Variants in TPR observed in about 807,000 individuals in gnomAD.
TPR encodes the protein translocated promoter region, nuclear basket protein, also known as nucleoprotein TPR.
In TPR, 51 loss-of-function variants were observed where a neutral mutation model predicts 316.1. The ratio of observed to expected loss-of-function variants is 0.16; its 90% CI spans 0.13 to 0.20. The LOEUF (loss-of-function observed/expected upper bound fraction) is 0.20. Among genes scored for constraint, TPR ranks in the 10% least tolerant of loss-of-function variants. The probability of loss-of-function intolerance (pLI) is 1.00; values close to 1 mark genes in which losing one functional copy is unlikely to be tolerated. For missense variants in TPR, 2,272 were observed against 2,754.8 expected, an observed-to-expected ratio of 0.82 and a Z score of 3.92; for synonymous variants, 981 against 914.7, an observed-to-expected ratio of 1.07 and a Z score of -1.31.
At position 186,367,970 on chromosome 1, in the gene TPR, T is replaced by A; in HGVS notation, c.343A>T (p.Arg115Ter). 6.2e-7 allele frequency: 1 copy of A among 1,609,694 alleles called. No homozygotes were observed. Residue 115 changes from arginine (R) to a stop codon, truncating the protein, a stop_gained, in exon 4 of 51, where the codon AGA becomes TGA. Coordinates refer to ENST00000367478, the MANE Select transcript of TPR (RefSeq NM_003292.3). LOFTEE classifies it high-confidence loss of function. ...TCAGCTTCTAATTCTTCCTTTGTTC[T>A]TGTAAATTGGCTCTGTCATATAAAG... The part of the protein sequence containing the change: ...RNIAIQSQFT[R>*]TKEELEAEKR...
At chr1:186,360,945 G>C in intron 9 of TPR, 40 bp from the exon 10 acceptor site, 3 of 1,586,944 alleles carry the variant, frequency 1.9e-6, no homozygotes, top group Non-Finnish European at 2.6e-6. Context: ...CAAACATACA[G>C]TTAAAATTTT....
At chr1:186,316,885 T>TA (rs1222048418) in intron 49 of TPR, among the ~76,000 whole-genome samples, 2 of 152,354 alleles carry the variant, frequency 1.3e-5, no homozygotes, top group African/African-American at 4.8e-5. Context: ...ACTGTTATTC[T>TA]AAAAAATAAC....
At position 186,318,796 on chromosome 1, in the gene TPR, C is replaced by G. The variant is rs1238145226; in HGVS notation, c.6601G>C (p.Ala2201Pro). 6.2e-7 allele frequency: 1 copy of G among 1,613,910 alleles called. No homozygotes were observed. The highest frequency in any genetic ancestry group is 8.5e-7 in the Non-Finnish European group (1 of 1,180,032). ...CGGCCACCTGACTCTTCTTCATGAG[C>G]TAGGAACAGGGGTGTTTCATACATT... ...LGMYETPLFL[A>P]HEEESGGRSV... The change falls in exon 47 of 51, where the codon GCT (alanine) becomes CCT (proline). Residue 2201 changes from alanine to proline, a missense_variant. Transcript: ENST00000367478.
intron 22 of TPR, 137 bp from the exon 23 acceptor site, chr1:186,346,424 G>A (rs1658678089): frequency 5.5e-6 from 5 of 910,808 alleles, no homozygotes; most frequent in South Asian, 2.7e-5. Flanking sequence ...ATCCATCAAA[G>A]GTGATTAGAA....
Position 186,375,036 on chromosome 1 carries a change from G to C in TPR, c.-8C>G. The C allele has an allele frequency of 6.2e-7, 1 of 1,613,950 alleles. No homozygotes were observed. On this transcript the variant is annotated 5_prime_UTR_variant, in exon 1 of 51. Transcript: ENST00000367478. ...CTGCAACACCGCCGCCATGTCGGTG[G>C]GGCCAGGGACCCCAGTGGCAGCGGC...
chr1:186,353,189 A>C (rs867516565), intron 18 of TPR, among the ~76,000 whole-genome samples: 1 of 152,020 alleles, frequency 6.6e-6, no homozygotes, highest in East Asian at 1.9e-4. Flanking sequence ...TGGCTAACAC[A>C]GTGAAACCCC....
chr1:186,342,417 C>T (rs531092158), intron 27 of TPR: 2 of 152,258 alleles, frequency 1.3e-5, no homozygotes, highest in South Asian at 2.1e-4. Flanking sequence ...AAAAATGAAG[C>T]GGAAAAGACT....
intron 13 of TPR, 66 bp from the exon 14 acceptor site, chr1:186,357,689 A>C: frequency 1.4e-6 from 2 of 1,387,306 alleles, no homozygotes; most frequent in East Asian, 2.5e-5. Flanking sequence ...GTTTAGAATG[A>C]AAGTTTTCAA....
chr1:186,319,867 T>C (rs999345769), intron 46 of TPR, among the ~76,000 whole-genome samples: 2 of 152,210 alleles, frequency 1.3e-5, no homozygotes, highest in African/African-American at 4.8e-5. Context: ...TGATCTTTTA[T>C]TTTTTGTTTT....
In TPR at chr1:186,336,588, T is replaced by C. The variant is rs200932739; in HGVS notation, c.4613A>G (p.Gln1538Arg). ...LRQDLQDRTT[Q>R]EEQLRQQITE... ...TATCTGTTGTCGGAGCTGCTCCTCC[T>C]GTGTGGTTCTATCTTGAAGATCCTG... The change falls in exon 33 of 51, where the codon CAG becomes CGG. Residue 1538 changes from glutamine to arginine, a missense_variant. Gln to Arg is a conservative substitution (Grantham distance 43, BLOSUM62 1). Around this residue, in one of 10 missense-constraint regions of TPR, gnomAD observed 101 missense variants for 113.0 expected, o/e 0.89. Coordinates refer to ENST00000367478, the MANE Select transcript of TPR (RefSeq NM_003292.3). The C allele has an allele frequency of 1.2e-5, 19 of 1,613,856 alleles. No homozygotes were observed.
intron 16 of TPR, 22 bp from the exon 17 acceptor site, chr1:186,355,580 A>G: frequency 6.2e-7 from 1 of 1,612,084 alleles, no homozygotes; most frequent in Middle Eastern, 1.7e-4. Flanking sequence ...AGATTATGAG[A>G]AGGTAACACT....
intron 45 of TPR, among the ~76,000 whole-genome samples, chr1:186,322,101 T>C (rs1657791620): frequency 1.3e-5 from 2 of 152,208 alleles, no homozygotes; most frequent in Admixed American, 6.5e-5. Flanking sequence ...TATATTGTCT[T>C]TAACTTCAAA....
intron 25 of TPR, 56 bp downstream of exon 25, chr1:186,344,319 G>GAA: frequency 6.4e-7 from 1 of 1,570,154 alleles, no homozygotes; most frequent in Non-Finnish European, 8.7e-7. Flanking sequence ...ATAAAATAAA[G>GAA]AAAAAAACAA....
chr1:186,356,393 C>T lies in TPR; in HGVS notation c.1781G>A (p.Arg594His), dbSNP rs371476196. 17 of 1,613,498 alleles carry T rather than the reference C, an allele frequency of 1.1e-5. No homozygotes were observed. Among genetic ancestry groups the T allele is most frequent in the Admixed American group, 3.3e-5 (2 of 59,968 alleles). Residue 594 changes from arginine to histidine, a missense_variant, in exon 15 of 51, where the codon CGC becomes CAC. Physicochemically the swap from Arg to His is conservative, Grantham distance 29. This residue lies in a region of TPR where 757 missense variants were observed against 859.8 expected (regional missense o/e 0.88). Transcript: ENST00000367478. ...CTGCATTTGATGCTGTCGTGATTTG[C>T]GGAGTTGTTCTAGTTCAGTAAGGGC... ...ESALTELEQLRKSRQHQMQLV... is the reference protein window; with the variant it reads ...ESALTELEQLHKSRQHQMQLV...
chr1:186,369,155 A>C (rs1195162319), intron 3 of TPR, among the ~76,000 whole-genome samples: 1 of 152,188 alleles, frequency 6.6e-6, no homozygotes, highest in East Asian at 1.9e-4. Flanking sequence ...CTATAGTTTT[A>C]TAACAGTTTT....
At chr1:186,325,620 G>C (rs1055409330) in intron 42 of TPR, 144 bp downstream of exon 42, 42 of 620,604 alleles carry the variant, frequency 6.8e-5, no homozygotes, top group Middle Eastern at 8.9e-4. Flanking sequence ...CTTTTTATGA[G>C]AGCACAACAG....
intron 33 of TPR, 86 bp downstream of exon 33, chr1:186,336,410 C>G: frequency 7.8e-7 from 1 of 1,279,742 alleles, no homozygotes; most frequent in Non-Finnish European, 1.1e-6. Flanking sequence ...TAAGTAGATA[C>G]CTTTTATTTC....
At chr1:186,348,006 CAT>C (rs1189116550) in intron 21 of TPR, among the ~76,000 whole-genome samples, 7 of 152,108 alleles carry the variant, frequency 4.6e-5, no homozygotes, top group South Asian at 2.1e-4. Flanking sequence ...GGTTGTAAAA[CAT>C]GTGTATTTGA....
In TPR at chr1:186,313,593, T is replaced by A; in HGVS notation, c.*378A>T. On this transcript the variant is annotated 3_prime_UTR_variant, in exon 51 of 51. Transcript: ENST00000367478. Reference sequence around the variant, plus strand: ...ATCTCTATTAAAATGATAAACATTGTCTTTGAGCATAATAGTCAACATAAG... The same window carrying A: ...ATCTCTATTAAAATGATAAACATTGACTTTGAGCATAATAGTCAACATAAG... 1.2e-6 allele frequency: 1 copy of A among 803,576 alleles called. No individual in the cohort carries two copies. Among genetic ancestry groups the A allele is most frequent in the Non-Finnish European group, 2.2e-6 (1 of 454,508 alleles). The allele number at this position is 803,576 out of a possible 1,614,324, so 49.8% of individuals were successfully genotyped here. A position where few individuals can be genotyped will look rare whatever the true frequency, so the allele number is the denominator to read the frequency against.
Sources: gnomAD v4.1 joint callset for allele counts (sites outside exome capture counted in the v4.1 genomes callset) on GRCh38, gnomAD v4.1.1 for gene constraint, gnomAD v4.1.1 regional missense constraint, MANE v1.5 for transcripts, NCBI Gene and HGNC (gene_info 2026-07-23, HGNC 2026-07-21) for gene names.